Variants in CAMK1D observed in about 807,000 individuals in gnomAD.
CAMK1D encodes calcium/calmodulin-dependent protein kinase type 1D.
Under a neutral mutation model 47.7 loss-of-function variants are expected in CAMK1D, and 9 were observed. The ratio of observed to expected loss-of-function variants is 0.19; its 90% CI spans 0.11 to 0.33. CAMK1D has a LOEUF of 0.33. Among genes scored for constraint, CAMK1D ranks in the 10% least tolerant of loss-of-function variants. The pLI, the probability that CAMK1D is intolerant of heterozygous loss-of-function variation, is 1.00. For synonymous variants in CAMK1D, 184 were observed against 184.9 expected (o/e 0.99, Z 0.04); for missense variants, 291 against 488.7 (o/e 0.60, Z 3.81).
intron 1 of CAMK1D, among the ~76,000 whole-genome samples, chr10:12,524,729 T>G (rs1835563901): frequency 2.0e-5 from 3 of 152,162 alleles, no homozygotes; most frequent in Admixed American, 2.0e-4. Flanking sequence ...TCATTTTAAT[T>G]TTTGCTTTCA....
At chr10:12,817,944 C>T (rs544261908) in intron 8 of CAMK1D, among the ~76,000 whole-genome samples, 76 of 152,302 alleles carry the variant, frequency 5.0e-4, no homozygotes, top group Non-Finnish European at 8.5e-4. Context: ...CTGTTTCGGC[C>T]TCCCAAAGTG....
intron 1 of CAMK1D, among the ~76,000 whole-genome samples, chr10:12,463,659 C>CT (rs966419985): frequency 1.3e-5 from 2 of 151,746 alleles, no homozygotes; most frequent in African/African-American, 4.8e-5. Context: ...GTTCTCGGTG[C>CT]TTTTTTCTCA....
At chr10:12,726,993 C>T (rs1834671267) in intron 3 of CAMK1D, among the ~76,000 whole-genome samples, 1 of 152,358 alleles carries the variant, frequency 6.6e-6, no homozygotes, top group Non-Finnish European at 1.5e-5. Flanking sequence ...GCCTACGGCA[C>T]GCCATGCCCG....
At chr10:12,478,781 C>T (rs1234970946) in intron 1 of CAMK1D, among the ~76,000 whole-genome samples, 1 of 152,166 alleles carries the variant, frequency 6.6e-6, no homozygotes. Context: ...GGATCTTAGC[C>T]TCTCTCTCAT....
chr10:12,601,964 A>G (rs1269515379), intron 2 of CAMK1D, among the ~76,000 whole-genome samples: 1 of 152,236 alleles, frequency 6.6e-6, no homozygotes, highest in Non-Finnish European at 1.5e-5. Context: ...GCCCAGGGCA[A>G]GGGATCCTGT....
At chr10:12,632,025 G>T (rs1465550378) in intron 2 of CAMK1D, among the ~76,000 whole-genome samples, 4 of 152,200 alleles carry the variant, frequency 2.6e-5, no homozygotes, top group Non-Finnish European at 5.9e-5. Context: ...GAAGGCTGGT[G>T]TTGTCACTCC....
At chr10:12,740,547 G>C (rs1205770514) in intron 3 of CAMK1D, among the ~76,000 whole-genome samples, 1 of 152,170 alleles carries the variant, frequency 6.6e-6, no homozygotes, top group African/African-American at 2.4e-5. Context: ...ACAGTGAACT[G>C]AGATCATGCC....
At chr10:12,756,162 A>G (rs947715702) in intron 3 of CAMK1D, among the ~76,000 whole-genome samples, 1 of 152,240 alleles carries the variant, frequency 6.6e-6, no homozygotes, top group Non-Finnish European at 1.5e-5. Context: ...ATTCTAGAAT[A>G]GAATGGATTA....
intron 2 of CAMK1D, among the ~76,000 whole-genome samples, chr10:12,655,634 C>T (rs1840096582): frequency 6.6e-6 from 1 of 152,182 alleles, no homozygotes; most frequent in South Asian, 2.1e-4. Flanking sequence ...GGATTTTTCA[C>T]ACTGGATTTT....
At chr10:12,686,563 A>G (rs533877191) in intron 3 of CAMK1D, among the ~76,000 whole-genome samples, 2 of 152,166 alleles carry the variant, frequency 1.3e-5, no homozygotes, top group East Asian at 3.9e-4. Context: ...ACCTCAAATG[A>G]TCCACCCACC....
At chr10:12,453,997 C>G (rs1232331535) in intron 1 of CAMK1D, among the ~76,000 whole-genome samples, 3 of 152,134 alleles carry the variant, frequency 2.0e-5, no homozygotes, top group African/African-American at 7.2e-5. Context: ...AGCAGCAGAG[C>G]TCTGGGGGGG....
intron 3 of CAMK1D, among the ~76,000 whole-genome samples, chr10:12,694,083 G>A (rs184711589): frequency 2.6e-4 from 5 of 19,504 alleles, no homozygotes; most frequent in African/African-American, 4.0e-4. Context: ...AAAATATTAT[G>A]TATAATATAT....
intron 1 of CAMK1D, among the ~76,000 whole-genome samples, chr10:12,409,581 G>C (rs1588455076): frequency 1.3e-5 from 2 of 152,328 alleles, no homozygotes; most frequent in African/African-American, 2.4e-5. Flanking sequence ...ATCACACCTG[G>C]CTGAAAAATT....
intron 1 of CAMK1D, among the ~76,000 whole-genome samples, chr10:12,515,743 G>A (rs1301856325): frequency 6.6e-6 from 1 of 151,492 alleles, no homozygotes; most frequent in Non-Finnish European, 1.5e-5. Flanking sequence ...TCCAGTAGCT[G>A]GGACTATAAG....
At chr10:12,371,666 G>A (rs553462148) in intron 1 of CAMK1D, among the ~76,000 whole-genome samples, 6 of 151,894 alleles carry the variant, frequency 4.0e-5, no homozygotes, top group African/African-American at 1.4e-4. Flanking sequence ...GGGAGGCCAA[G>A]GCGGGTGGAT....
intron 1 of CAMK1D, among the ~76,000 whole-genome samples, chr10:12,367,847 A>G (rs1466546531): frequency 1.3e-5 from 2 of 152,128 alleles, no homozygotes; most frequent in East Asian, 1.9e-4. Context: ...CTAACAGGCC[A>G]TGGACTGGTA....
intron 1 of CAMK1D, among the ~76,000 whole-genome samples, chr10:12,393,234 T>C (rs1838811195): frequency 6.6e-6 from 1 of 152,112 alleles, no homozygotes; most frequent in South Asian, 2.1e-4. Flanking sequence ...GGTTTCACCA[T>C]GTTAGTCAGG....
intron 2 of CAMK1D, among the ~76,000 whole-genome samples, chr10:12,664,781 G>T (rs534643802): frequency 3.3e-5 from 5 of 152,328 alleles, no homozygotes; most frequent in Admixed American, 2.6e-4. Context: ...CTACAGTTCA[G>T]ATGTAACTGT....
chr10:12,487,829 G>A (rs965071376), intron 1 of CAMK1D, among the ~76,000 whole-genome samples: 2 of 152,306 alleles, frequency 1.3e-5, no homozygotes, highest in Non-Finnish European at 2.9e-5. Flanking sequence ...AGCTGAAATG[G>A]GAAGTGTGGA....
Sources: gnomAD v4.1 joint callset for allele counts (sites outside exome capture counted in the v4.1 genomes callset) on GRCh38, gnomAD v4.1.1 for gene constraint, MANE v1.5 for transcripts, NCBI Gene and HGNC (gene_info 2026-07-23, HGNC 2026-07-21) for gene names.